The following CAMTA1 variants were observed in gnomAD, a reference collection of about 807,000 sequenced individuals.
CAMTA1 encodes calmodulin-binding transcription activator 1.
CAMTA1 carries 27 observed loss-of-function variants against 170.9 expected under a neutral mutation model. The observed-to-expected ratio is 0.16, with a 90% CI of 0.12 to 0.22. The LOEUF is 0.22. Among genes scored for constraint, CAMTA1 ranks in the 10% least tolerant of loss-of-function variants. The pLI, the probability that CAMTA1 is intolerant of heterozygous loss-of-function variation, is 1.00. For synonymous variants in CAMTA1, 833 were observed against 891.5 expected, an observed-to-expected ratio of 0.93 and a Z score of 1.17; for missense variants, 1,619 against 2,217.2, an observed-to-expected ratio of 0.73 and a Z score of 5.42.
At chr1:7,625,760 T>C (rs1294447302) in intron 6 of CAMTA1, among the ~76,000 whole-genome samples, 1 of 152,230 alleles carries the variant, frequency 6.6e-6, no homozygotes, top group East Asian at 1.9e-4. Context: ...CGAGCCCCAC[T>C]GGTCTGGGGG....
intron 3 of CAMTA1, among the ~76,000 whole-genome samples, chr1:6,939,635 C>G (rs1362711785): frequency 6.6e-6 from 1 of 152,156 alleles, no homozygotes; most frequent in Non-Finnish European, 1.5e-5. Context: ...AGAGTTCTTC[C>G]TCTCCACCTT....
chr1:7,695,634 C>A (rs2096367608), intron 11 of CAMTA1, among the ~76,000 whole-genome samples: 1 of 152,058 alleles, frequency 6.6e-6, no homozygotes, highest in Non-Finnish European at 1.5e-5. Context: ...TTCATTGGTT[C>A]CAGAGCCAGT....
At chr1:6,824,120 C>A (rs1051059047) in intron 2 of CAMTA1, among the ~76,000 whole-genome samples, 3 of 152,080 alleles carry the variant, frequency 2.0e-5, no homozygotes, top group Admixed American at 6.6e-5. Flanking sequence ...CAAATTAAGT[C>A]TTTGATGTTT....
At position 7,482,463 on chromosome 1, in the gene CAMTA1, G is replaced by A. The variant is rs2093553716; in HGVS notation, c.510+14562G>A. On this transcript the variant is annotated intron_variant, in intron 6 of 22. Transcript: ENST00000303635. This position sits in a 1 kb window ranked among gnomAD's most constrained non-coding sequence, Gnocchi z 4.2. ...CAGCACTCGGTAAAGACACCAGAATGGATGCGCTCTCCACGCAGTGTGTCC... is the reference window on the plus strand; with the variant it reads ...CAGCACTCGGTAAAGACACCAGAATAGATGCGCTCTCCACGCAGTGTGTCC... Among the ~76,000 whole-genome samples, 1 of 152,168 alleles carries A rather than the reference G, an allele frequency of 6.6e-6. No individual in the cohort carries two copies. Among genetic ancestry groups the A allele is most frequent in the African/African-American group, 2.4e-5 (1 of 41,442 alleles).
Position 6,785,506 on chromosome 1 carries a change from G to T in CAMTA1, c.-25G>T. On this transcript the variant is annotated 5_prime_UTR_variant, in exon 1 of 23. Coordinates refer to ENST00000303635, the MANE Select transcript of CAMTA1 (RefSeq NM_015215.4). Reference sequence around the variant, plus strand: ...GCGGCGGTACGAGGCGCGCGCTCGGGGTCCCGGTCGCGAGGAGGAGGAGGA... The same window carrying T: ...GCGGCGGTACGAGGCGCGCGCTCGGTGTCCCGGTCGCGAGGAGGAGGAGGA... 9.6e-7 allele frequency: 1 copy of T among 1,039,448 alleles called. No homozygotes were observed. The highest frequency in any genetic ancestry group is 1.2e-6 in the Non-Finnish European group (1 of 857,654). 64.4% of individuals were successfully genotyped at this position (1,039,448 alleles called of 1,614,324 possible). A position where few individuals can be genotyped will look rare whatever the true frequency, so the allele number is the denominator to read the frequency against.
At chr1:6,828,734 T>A (rs892730566) in intron 3 of CAMTA1, among the ~76,000 whole-genome samples, 2 of 152,064 alleles carry the variant, frequency 1.3e-5, no homozygotes, top group African/African-American at 4.8e-5. Flanking sequence ...AGTTATTTTT[T>A]GGTCAAGAGA....
intron 3 of CAMTA1, among the ~76,000 whole-genome samples, chr1:7,005,345 G>C (rs1397038126): frequency 6.6e-6 from 1 of 152,192 alleles, no homozygotes; most frequent in Non-Finnish European, 1.5e-5. Flanking sequence ...AATGAGGAGG[G>C]CTACATCCCT....
rs567937609 is a variant in CAMTA1 at position 7,455,528 on chromosome 1, G to A, written c.439-12302G>A. Among the ~76,000 whole-genome samples, 12 of 152,280 alleles carry A rather than the reference G, an allele frequency of 7.9e-5. No homozygotes were observed. The highest frequency in any genetic ancestry group is 1.0e-4 in the Non-Finnish European group (7 of 68,014). On this transcript the variant is annotated intron_variant, in intron 5 of 22. Coordinates refer to ENST00000303635, the MANE Select transcript of CAMTA1 (RefSeq NM_015215.4). This position sits in a 1 kb window ranked among gnomAD's most constrained non-coding sequence, Gnocchi z 5.0. Reference sequence around the variant, plus strand: ...CCTTGCATTAACATAGCCACAGACCGGCCCGGCGTTTCCCTCCACCTGCTT... The same window carrying A: ...CCTTGCATTAACATAGCCACAGACCAGCCCGGCGTTTCCCTCCACCTGCTT...
chr1:7,128,476 CA>C (rs1355336819), intron 4 of CAMTA1, among the ~76,000 whole-genome samples: 5 of 152,240 alleles, frequency 3.3e-5, no homozygotes, highest in African/African-American at 1.2e-4. Flanking sequence ...AGAGCTTGTG[CA>C]AAGGCCCTGA....
chr1:7,566,225 C>T (rs1034016228), intron 6 of CAMTA1, among the ~76,000 whole-genome samples: 1 of 152,114 alleles, frequency 6.6e-6, no homozygotes, highest in African/African-American at 2.4e-5. Flanking sequence ...CCTGGGTGAC[C>T]CCCAGGCACT....
At chr1:7,342,789 A>G (rs2083931949) in intron 5 of CAMTA1, among the ~76,000 whole-genome samples, 1 of 152,202 alleles carries the variant, frequency 6.6e-6, no homozygotes, top group Non-Finnish European at 1.5e-5. Context: ...AGCCATCTTG[A>G]GGCCGAGGGC....
chr1:7,542,876 TG>T (rs2094633512), intron 6 of CAMTA1, among the ~76,000 whole-genome samples: 2 of 140,980 alleles, frequency 1.4e-5, no homozygotes, highest in African/African-American at 6.1e-5. Flanking sequence ...TGTGTGTGTG[TG>T]TGTTTGAGCC....
chr1:7,498,397 ATG>A (rs1381262899), intron 6 of CAMTA1, among the ~76,000 whole-genome samples: 4 of 146,018 alleles, frequency 2.7e-5, no homozygotes, highest in Non-Finnish European at 4.5e-5. Flanking sequence ...GTGTGAGTGA[ATG>A]TGTATGAGTG....
intron 5 of CAMTA1, among the ~76,000 whole-genome samples, chr1:7,264,945 A>C (rs1279721628): frequency 6.6e-6 from 1 of 152,222 alleles, no homozygotes; most frequent in Non-Finnish European, 1.5e-5. Flanking sequence ...ATACAAGTGA[A>C]TTAATCCAAG....
intron 6 of CAMTA1, among the ~76,000 whole-genome samples, chr1:7,629,127 G>A (rs2095651998): frequency 6.6e-6 from 1 of 152,250 alleles, no homozygotes; most frequent in Non-Finnish European, 1.5e-5. Context: ...GAGAGCAGGA[G>A]ACAAACAGGA....
At chr1:7,414,629 T>G (rs1444153156) in intron 5 of CAMTA1, among the ~76,000 whole-genome samples, 1 of 152,214 alleles carries the variant, frequency 6.6e-6, no homozygotes, top group African/African-American at 2.4e-5. Flanking sequence ...TTTTATTGTG[T>G]CTGTTTGATT....
chr1:7,038,739 C>A (rs1327176973), intron 3 of CAMTA1, among the ~76,000 whole-genome samples: 1 of 152,140 alleles, frequency 6.6e-6, no homozygotes, highest in Non-Finnish European at 1.5e-5. Flanking sequence ...TGTATGTACC[C>A]ATTTATATAA....
At chr1:7,442,678 G>A (rs2092577134) in intron 5 of CAMTA1, among the ~76,000 whole-genome samples, 1 of 152,186 alleles carries the variant, frequency 6.6e-6, no homozygotes, top group Admixed American at 6.5e-5. Flanking sequence ...ATCTCCCAGA[G>A]CCTCCATTCC....
At chr1:7,762,262 T>TTTTGGATCCTTCTC in intron 22 of CAMTA1, among the ~76,000 whole-genome samples, 1 of 152,234 alleles carries the variant, frequency 6.6e-6, no homozygotes, top group African/African-American at 2.4e-5. Context: ...CCAGAGATAA[T>TTTTGGATCCTTCTC]AATGGTTAAA....
Sources: allele counts gnomAD v4.1 joint callset (sites outside exome capture counted in the v4.1 genomes callset), GRCh38; gene constraint gnomAD v4.1.1; non-coding constraint Gnocchi (gnomAD v3.1); transcripts MANE v1.5; gene names NCBI Gene and HGNC (gene_info 2026-07-23, HGNC 2026-07-21).